Variants in GRIN2B observed in about 807,000 individuals in gnomAD.
GRIN2B encodes the protein glutamate receptor ionotropic, NMDA 2B.
Under a neutral mutation model 114.5 loss-of-function variants are expected in GRIN2B, and 5 were observed. The observed-to-expected ratio is 0.04, with a 90% CI of 0.02 to 0.09. The LOEUF (loss-of-function observed/expected upper bound fraction) is 0.09, where lower values mean the gene tolerates loss of function less well. GRIN2B is among the 10% of genes least tolerant of loss of function. The probability of loss-of-function intolerance (pLI) is 1.00; values close to 1 mark genes in which losing one functional copy is unlikely to be tolerated. For missense variants in GRIN2B, 1,108 were observed against 1,943.5 expected, an observed-to-expected ratio of 0.57 and a Z score of 8.08; for synonymous variants, 787 against 745.1, an observed-to-expected ratio of 1.06 and a Z score of -0.92.
At chr12:13,878,404 G>A (rs766215836) in intron 2 of GRIN2B, among the ~76,000 whole-genome samples, 4 of 152,174 alleles carry the variant, frequency 2.6e-5, no homozygotes, top group Admixed American at 6.5e-5. Context: ...TCGGGGCCAC[G>A]GGTGGTGGTA....
chr12:13,669,040 G>T (rs1037273338), intron 5 of GRIN2B, among the ~76,000 whole-genome samples: 1 of 150,892 alleles, frequency 6.6e-6, no homozygotes, highest in South Asian at 2.1e-4. Context: ...GGGAGATAGG[G>T]AGGATAAGCC....
intron 3 of GRIN2B, among the ~76,000 whole-genome samples, chr12:13,794,833 T>C (rs1027248361): frequency 1.3e-5 from 2 of 152,182 alleles, no homozygotes; most frequent in Non-Finnish European, 2.9e-5. Context: ...AGGTGATCAG[T>C]GAGTCCAGAT....
intron 5 of GRIN2B, among the ~76,000 whole-genome samples, chr12:13,655,731 T>C (rs1949857672): frequency 6.6e-6 from 1 of 152,224 alleles, no homozygotes. Context: ...TGAGGATTTG[T>C]ATGAGTTAAT....
At chr12:13,634,775 AT>A (rs1949653145) in intron 5 of GRIN2B, among the ~76,000 whole-genome samples, 1 of 152,148 alleles carries the variant, frequency 6.6e-6, no homozygotes, top group Non-Finnish European at 1.5e-5. Flanking sequence ...AGTTTTATTT[AT>A]TTACACATGT....
intron 2 of GRIN2B, among the ~76,000 whole-genome samples, chr12:13,898,262 T>A (rs1866385301): frequency 6.6e-6 from 1 of 152,182 alleles, no homozygotes; most frequent in Admixed American, 6.5e-5. Context: ...CTTATATTAT[T>A]GATTAATAGA....
chr12:13,824,215 T>C (rs1379147958), intron 3 of GRIN2B, among the ~76,000 whole-genome samples: 1 of 152,226 alleles, frequency 6.6e-6, no homozygotes, highest in African/African-American at 2.4e-5. Flanking sequence ...TCTTTCTTTA[T>C]ACGTTTGGTA....
chr12:13,612,488 A>T (rs1286851644), intron 8 of GRIN2B, among the ~76,000 whole-genome samples: 1 of 152,198 alleles, frequency 6.6e-6, no homozygotes, highest in Non-Finnish European at 1.5e-5. Context: ...GTATCCTTCC[A>T]CGTTAAATAT....
At chr12:13,772,774 G>A (rs1384352712) in intron 3 of GRIN2B, among the ~76,000 whole-genome samples, 2 of 151,396 alleles carry the variant, frequency 1.3e-5, no homozygotes, top group Non-Finnish European at 2.9e-5. Flanking sequence ...CTTGTAAGAG[G>A]TTTTTTTTTC....
At chr12:13,832,424 A>G (rs1231756690) in intron 3 of GRIN2B, among the ~76,000 whole-genome samples, 1 of 152,130 alleles carries the variant, frequency 6.6e-6, no homozygotes, top group Admixed American at 6.5e-5. Flanking sequence ...CTTCCACACT[A>G]CTACTGAATA....
intron 4 of GRIN2B, among the ~76,000 whole-genome samples, chr12:13,682,480 TC>T (rs1429811883): frequency 6.6e-6 from 1 of 152,246 alleles, no homozygotes; most frequent in African/African-American, 2.4e-5. Flanking sequence ...TAACACATTT[TC>T]TCTGAAATGG....
intron 3 of GRIN2B, among the ~76,000 whole-genome samples, chr12:13,775,094 A>G (rs1863979842): frequency 6.6e-6 from 1 of 152,140 alleles, no homozygotes; most frequent in South Asian, 2.1e-4. Context: ...AACAGAAGTG[A>G]CGAGTTGGTT....
At position 13,798,916 on chromosome 12, in the gene GRIN2B, C is replaced by A. The variant is rs537171841; in HGVS notation, c.412-45001G>T. On this transcript the variant is annotated intron_variant, in intron 3 of 13. Coordinates refer to ENST00000609686, the MANE Select transcript of GRIN2B (RefSeq NM_000834.5). ...TGCCTCCTTTCCCTGTTGCTCTTTT[C>A]TTCCATTGATCTGAGAACATTTCCC... Among the ~76,000 whole-genome samples the A allele has an allele frequency of 3.9e-5, 6 of 152,342 alleles. No individual in the cohort carries two copies. In the South Asian group the frequency reaches 1.2e-3, roughly 32 times the overall value.
chr12:13,658,644 G>A (rs1949891224), intron 5 of GRIN2B, among the ~76,000 whole-genome samples: 1 of 152,002 alleles, frequency 6.6e-6, no homozygotes, highest in Non-Finnish European at 1.5e-5. Context: ...TTATATTTGG[G>A]TAAAAATATT....
At chr12:13,719,300 A>G (rs1262166033) in intron 4 of GRIN2B, among the ~76,000 whole-genome samples, 1 of 152,066 alleles carries the variant, frequency 6.6e-6, no homozygotes, top group Admixed American at 6.6e-5. Flanking sequence ...GCTTTTTCCC[A>G]GTTGAATAAA....
At chr12:13,937,389 G>A (rs535912219) in intron 2 of GRIN2B, among the ~76,000 whole-genome samples, 5 of 151,648 alleles carry the variant, frequency 3.3e-5, no homozygotes, top group South Asian at 2.1e-4. Flanking sequence ...CTAAAGAGAC[G>A]ATCTTGAAAG....
intron 3 of GRIN2B, among the ~76,000 whole-genome samples, chr12:13,788,999 TCAC>T (rs1202245683): frequency 2.0e-5 from 3 of 152,206 alleles, no homozygotes; most frequent in South Asian, 4.1e-4. Context: ...TAATGGCTGG[TCAC>T]CACATTTCAA....
intron 4 of GRIN2B, among the ~76,000 whole-genome samples, chr12:13,680,424 G>GTC (rs1950117019): frequency 6.8e-6 from 1 of 148,094 alleles, no homozygotes; most frequent in Non-Finnish European, 1.5e-5. Flanking sequence ...TCCCCTGGAA[G>GTC]TCCCATCAAG....
intron 2 of GRIN2B, among the ~76,000 whole-genome samples, chr12:13,943,043 A>C (rs1867289325): frequency 6.6e-6 from 1 of 152,090 alleles, no homozygotes. Context: ...GGGGTGGAGC[A>C]AGGGATGCCA....
At chr12:13,718,967 T>G (rs1950483926) in intron 4 of GRIN2B, among the ~76,000 whole-genome samples, 1 of 152,026 alleles carries the variant, frequency 6.6e-6, no homozygotes, top group South Asian at 2.1e-4. Flanking sequence ...CTACCTACTT[T>G]GCTAAGAGAC....
Sources: allele counts gnomAD v4.1 joint callset (sites outside exome capture counted in the v4.1 genomes callset), GRCh38; gene constraint gnomAD v4.1.1; transcripts MANE v1.5; gene names NCBI Gene and HGNC (gene_info 2026-07-23, HGNC 2026-07-21).